DENND1B: variants seen among roughly 807,000 people sequenced by gnomAD.
DENND1B encodes DENN domain containing 1B.
Under a neutral mutation model 90.1 loss-of-function variants are expected in DENND1B, and 59 were observed. The observed-to-expected ratio is 0.65, with a 90% CI of 0.53 to 0.81. DENND1B has a LOEUF of 0.81. Among genes scored for constraint, DENND1B ranks in the 40% least tolerant of loss-of-function variants. The probability of loss-of-function intolerance (pLI) is 0.00; values close to 1 mark genes in which losing one functional copy is unlikely to be tolerated. For synonymous variants in DENND1B, 337 were observed against 324.6 expected, an observed-to-expected ratio of 1.04 and a Z score of -0.41; for missense variants, 862 against 912.6, an observed-to-expected ratio of 0.94 and a Z score of 0.71.
intron 12 of DENND1B, 24 bp downstream of exon 12, chr1:197,611,907 G>A (rs749576302): frequency 4.0e-5 from 64 of 1,594,314 alleles, no homozygotes; most frequent in Admixed American, 6.8e-5. Flanking sequence ...TTTTATCACT[G>A]TCTCATGTCT....
chr1:197,771,160 C>T (rs561352510), intron 2 of DENND1B, among the ~76,000 whole-genome samples: 1 of 152,176 alleles, frequency 6.6e-6, no homozygotes, highest in African/African-American at 2.4e-5. Context: ...GATCTGTCCA[C>T]CTCGGCCTCC....
intron 20 of DENND1B, among the ~76,000 whole-genome samples, chr1:197,538,213 C>T (rs1260368289): frequency 1.3e-5 from 2 of 151,810 alleles, no homozygotes; most frequent in African/African-American, 2.4e-5. Flanking sequence ...TAAAGATAAC[C>T]TAAATGCTCC....
At chr1:197,649,096 T>C (rs1440841787) in intron 7 of DENND1B, among the ~76,000 whole-genome samples, 2 of 152,204 alleles carry the variant, frequency 1.3e-5, no homozygotes, top group Admixed American at 1.3e-4. Context: ...GAGCAAGTTC[T>C]AGACTAACAA....
intron 5 of DENND1B, among the ~76,000 whole-genome samples, chr1:197,662,969 G>T (rs1004980231): frequency 6.6e-6 from 1 of 152,002 alleles, no homozygotes; most frequent in Admixed American, 6.6e-5. Flanking sequence ...GTAACATTTT[G>T]GTAAACCCTT....
At chr1:197,554,635 C>T (rs982303441) in intron 15 of DENND1B, among the ~76,000 whole-genome samples, 1 of 151,590 alleles carries the variant, frequency 6.6e-6, no homozygotes, top group Non-Finnish European at 1.5e-5. Flanking sequence ...GTCAAGAGAT[C>T]GAGACCATCC....
chr1:197,733,786 G>A (rs1571544716), intron 2 of DENND1B, among the ~76,000 whole-genome samples: 1 of 152,072 alleles, frequency 6.6e-6, no homozygotes, highest in Non-Finnish European at 1.5e-5. Flanking sequence ...TTGACCATAC[G>A]GTAAAACTTT....
intron 10 of DENND1B, among the ~76,000 whole-genome samples, chr1:197,632,107 G>GT (rs544836521): frequency 7.9e-5 from 12 of 152,004 alleles, no homozygotes; most frequent in African/African-American, 2.9e-4. Flanking sequence ...TTTTATTACT[G>GT]TAACAATCTT....
chr1:197,609,004 C>A (rs10801618), intron 12 of DENND1B, among the ~76,000 whole-genome samples: 147,301 of 150,354 alleles, frequency 0.98, 72,225 homozygotes, highest in South Asian at 1. Context: ...ATTAGTATCA[C>A]TATTTCATCT....
At chr1:197,600,589 A>T (rs1332472620) in intron 13 of DENND1B, among the ~76,000 whole-genome samples, 1 of 151,890 alleles carries the variant, frequency 6.6e-6, no homozygotes, top group East Asian at 1.9e-4. Flanking sequence ...ATTGTTATAC[A>T]ATAGAGAAAT....
At chr1:197,671,757 G>A (rs1655531138) in intron 5 of DENND1B, among the ~76,000 whole-genome samples, 1 of 151,584 alleles carries the variant, frequency 6.6e-6, no homozygotes, top group Non-Finnish European at 1.5e-5. Context: ...CCATTTAATA[G>A]GTGAAACTCA....
intron 11 of DENND1B, among the ~76,000 whole-genome samples, chr1:197,613,779 A>C (rs1677394318): frequency 6.6e-6 from 1 of 150,998 alleles, no homozygotes; most frequent in South Asian, 2.1e-4. Flanking sequence ...AAAATTATTA[A>C]AGTCACTGTG....
chr1:197,604,348 A>T (rs897419591), intron 13 of DENND1B, among the ~76,000 whole-genome samples: 1 of 151,306 alleles, frequency 6.6e-6, no homozygotes, highest in Admixed American at 6.6e-5. Flanking sequence ...TCCAATTTTA[A>T]ATACCTTAAG....
chr1:197,572,555 G>A (rs1417248914), intron 15 of DENND1B, among the ~76,000 whole-genome samples: 2 of 152,210 alleles, frequency 1.3e-5, no homozygotes, highest in African/African-American at 4.8e-5. Context: ...TCTGAAGGGA[G>A]CAGTGGTTCT....
At chr1:197,649,515 C>T (rs745885532) in intron 7 of DENND1B, among the ~76,000 whole-genome samples, 1 of 151,906 alleles carries the variant, frequency 6.6e-6, no homozygotes, top group African/African-American at 2.4e-5. Context: ...GAAATTTGCT[C>T]AAGACACATG....
At chr1:197,770,116 A>C (rs1297948441) in intron 2 of DENND1B, among the ~76,000 whole-genome samples, 1 of 152,174 alleles carries the variant, frequency 6.6e-6, no homozygotes, top group Non-Finnish European at 1.5e-5. Context: ...TAAAAGAAGA[A>C]AGGTTACTGC....
chr1:197,748,197 T>C (rs79279254), intron 2 of DENND1B, among the ~76,000 whole-genome samples: 2,768 of 135,906 alleles, frequency 0.02, 41 homozygotes, highest in Middle Eastern at 0.073. Context: ...GTCAATAATA[T>C]GATATCCAAA....
At chr1:197,558,398 A>G (rs1671884008) in intron 15 of DENND1B, among the ~76,000 whole-genome samples, 1 of 151,828 alleles carries the variant, frequency 6.6e-6, no homozygotes, top group African/African-American at 2.4e-5. Flanking sequence ...CCTCTAAATC[A>G]TCAACAATTG....
At chr1:197,591,333 G>T (rs1312455609) in intron 14 of DENND1B, among the ~76,000 whole-genome samples, 1 of 152,148 alleles carries the variant, frequency 6.6e-6, no homozygotes, top group African/African-American at 2.4e-5. Flanking sequence ...TCCTATTATA[G>T]CTGCATTCAA....
chr1:197,518,923 A>G (rs990322247), intron 20 of DENND1B, among the ~76,000 whole-genome samples: 7 of 151,952 alleles, frequency 4.6e-5, no homozygotes, highest in African/African-American at 1.7e-4. Context: ...AGTGCTGTCT[A>G]GCATTCTTTT....
Sources: allele counts gnomAD v4.1 joint callset (sites outside exome capture counted in the v4.1 genomes callset), GRCh38; gene constraint gnomAD v4.1.1; transcripts MANE v1.5; gene names NCBI Gene and HGNC (gene_info 2026-07-23, HGNC 2026-07-21).